STXBP5L: variants seen among roughly 807,000 people sequenced by gnomAD.
STXBP5L encodes the protein syntaxin-binding protein 5-like.
Under a neutral mutation model 144.5 loss-of-function variants are expected in STXBP5L, and 65 were observed. That is an observed-to-expected ratio of 0.45 (90% CI 0.37 to 0.55). STXBP5L has a LOEUF of 0.55. Among genes scored for constraint, STXBP5L ranks in the 20% least tolerant of loss-of-function variants. The pLI, the probability that STXBP5L is intolerant of heterozygous loss-of-function variation, is 0.00. For missense variants in STXBP5L, 1,298 were observed against 1,405.5 expected, an observed-to-expected ratio of 0.92 and a Z score of 1.22; for synonymous variants, 505 against 469.6, an observed-to-expected ratio of 1.08 and a Z score of -0.97.
At chr3:121,014,730 T>C (rs191332934) in intron 3 of STXBP5L, among the ~76,000 whole-genome samples, 99 of 152,140 alleles carry the variant, frequency 6.5e-4, no homozygotes, top group Non-Finnish European at 1.2e-3. Flanking sequence ...AGATTCATAT[T>C]CTTTCCAGTA....
intron 3 of STXBP5L, among the ~76,000 whole-genome samples, chr3:120,964,383 T>A (rs1460228616): frequency 6.6e-6 from 1 of 152,232 alleles, no homozygotes; most frequent in South Asian, 2.1e-4. Context: ...CGATTTTAGA[T>A]CTTTCCTTCC....
At chr3:121,196,248 C>T (rs530050768) in intron 9 of STXBP5L, among the ~76,000 whole-genome samples, 1 of 152,020 alleles carries the variant, frequency 6.6e-6, no homozygotes, top group African/African-American at 2.4e-5. Context: ...CAACCTCTGC[C>T]TCCCGGGTTC....
rs183447500 is a variant in STXBP5L at position 121,137,041 on chromosome 3, A to C, written c.669+15337A>C. On this transcript the variant is annotated intron_variant, in intron 7 of 26. Transcript: ENST00000471454. ...AGCTAAACGTTGTGTACACACAGAC[A>C]CAAAGAAGGGAACAGTAGACACTGG... Among the ~76,000 whole-genome samples the C allele has an allele frequency of 3.8e-4, 58 of 152,304 alleles. No homozygotes were observed. In the East Asian group the frequency reaches 6.4e-3, roughly 17 times the overall value.
At chr3:121,360,410 G>A (rs1203640827) in intron 20 of STXBP5L, among the ~76,000 whole-genome samples, 5 of 149,206 alleles carry the variant, frequency 3.4e-5, no homozygotes, top group African/African-American at 7.3e-5. Flanking sequence ...GTAATTCTTG[G>A]TAAGTAAGGA....
chr3:121,093,980 C>T (rs906067880), intron 5 of STXBP5L, among the ~76,000 whole-genome samples: 37 of 152,106 alleles, frequency 2.4e-4, no homozygotes, highest in African/African-American at 8.7e-4. Flanking sequence ...TGTCTTTGTT[C>T]TCGTTGGTTT....
In STXBP5L at chr3:121,298,889, T is replaced by C. The variant is rs532332411; in HGVS notation, c.2110+18933T>C. Among the ~76,000 whole-genome samples the C allele has an allele frequency of 3.3e-5, 5 of 152,314 alleles. No individual in the cohort carries two copies. The South Asian group carries it at 1.0e-3, about 32-fold the overall frequency. On this transcript the variant is annotated intron_variant, in intron 19 of 26. Transcript: ENST00000471454. ...ACTGTAATGTACACTGAAAAATTTG[T>C]TTAGAAGGTAGATTTCATGTTGTGT...
chr3:121,036,464 C>T (rs1262305389), intron 3 of STXBP5L, among the ~76,000 whole-genome samples: 1 of 152,038 alleles, frequency 6.6e-6, no homozygotes, highest in Non-Finnish European at 1.5e-5. Flanking sequence ...AGCCTGCATG[C>T]TTTTTATTTT....
intron 20 of STXBP5L, among the ~76,000 whole-genome samples, chr3:121,345,299 G>C (rs2108594545): frequency 1.3e-5 from 2 of 152,088 alleles, no homozygotes; most frequent in Middle Eastern, 6.8e-3. Context: ...TGAGAATGAT[G>C]GTTTCCAGCT....
chr3:121,247,363 T>G (rs1265360689), intron 14 of STXBP5L, among the ~76,000 whole-genome samples: 1 of 152,210 alleles, frequency 6.6e-6, no homozygotes, highest in East Asian at 1.9e-4. Context: ...TAATTTCAGC[T>G]TTTATTTTAG....
chr3:121,240,535 A>C, intron 14 of STXBP5L, 28 bp downstream of exon 14: 1 of 1,600,238 alleles, frequency 6.2e-7, no homozygotes, highest in Non-Finnish European at 8.6e-7. Context: ...GTGAGTTATT[A>C]GTTCATCAAC....
intron 10 of STXBP5L, 42 bp downstream of exon 10, chr3:121,206,043 G>C (rs776126487): frequency 1.6e-5 from 20 of 1,214,336 alleles, no homozygotes; most frequent in Admixed American, 8.4e-5. Context: ...ACGAAGCAGA[G>C]ACAAAAAATG....
At chr3:121,414,834 T>G (rs147111454) in intron 24 of STXBP5L, among the ~76,000 whole-genome samples, 23 of 152,334 alleles carry the variant, frequency 1.5e-4, no homozygotes, top group African/African-American at 5.1e-4. Context: ...AAAATAAATA[T>G]TCTGGTTATA....
At chr3:121,145,781 G>T (rs1189392274) in intron 7 of STXBP5L, among the ~76,000 whole-genome samples, 1 of 151,950 alleles carries the variant, frequency 6.6e-6, no homozygotes, top group Non-Finnish European at 1.5e-5. Flanking sequence ...CAAACTGACT[G>T]GATTAAGGAA....
chr3:121,058,016 G>A (rs1948579867), intron 5 of STXBP5L, among the ~76,000 whole-genome samples: 1 of 152,034 alleles, frequency 6.6e-6, no homozygotes, highest in South Asian at 2.1e-4. Flanking sequence ...TGGGATACAT[G>A]TGCAGAAAGT....
chr3:121,161,469 CT>C (rs1412571194), intron 9 of STXBP5L, among the ~76,000 whole-genome samples: 1 of 151,722 alleles, frequency 6.6e-6, no homozygotes, highest in African/African-American at 2.4e-5. Flanking sequence ...TGCGGGGTAT[CT>C]TTTATTTTCA....
chr3:121,284,817 G>A lies in STXBP5L; in HGVS notation c.2110+4861G>A, dbSNP rs558981635. 6.7e-4 allele frequency among the ~76,000 whole-genome samples: 102 copies of A among 152,130 alleles called. 1 individual carries two copies. Among genetic ancestry groups the A allele is most frequent in the South Asian group, 5.0e-3 (24 of 4,824 alleles). ...TGTTGAAGGACTTAAAGAAATCCCC[G>A]TGTCTCTACCAGTGGGCCCCACAAG... is the stretch of plus-strand genomic sequence containing the variant. On this transcript the variant is annotated intron_variant, in intron 19 of 26. Coordinates refer to ENST00000471454, the MANE Select transcript of STXBP5L (RefSeq NM_001308330.2).
intron 3 of STXBP5L, among the ~76,000 whole-genome samples, chr3:120,981,012 A>T (rs1941714858): frequency 6.6e-6 from 1 of 152,134 alleles, no homozygotes; most frequent in Admixed American, 6.5e-5. Flanking sequence ...TTTTTCTTCA[A>T]AGAGACTGAA....
rs144792514 is a variant in STXBP5L at position 121,290,922 on chromosome 3, G to A, written c.2110+10966G>A. ...ACTAAGGGTAATAAAAGCCATCTAT[G>A]ACAGATGTACAGACAACATTTTACG... On this transcript the variant is annotated intron_variant, in intron 19 of 26. Coordinates refer to ENST00000471454, the MANE Select transcript of STXBP5L (RefSeq NM_001308330.2). Among the ~76,000 whole-genome samples, 691 of 152,242 alleles carry A rather than the reference G, an allele frequency of 4.5e-3. 4 individuals are homozygous for A. Among genetic ancestry groups the A allele is most frequent in the African/African-American group, 0.016 (659 of 41,552 alleles).
chr3:121,208,817 T>G (rs2048440893), intron 10 of STXBP5L, among the ~76,000 whole-genome samples: 1 of 152,120 alleles, frequency 6.6e-6, no homozygotes, highest in African/African-American at 2.4e-5. Context: ...GTGTAAAAAG[T>G]GCAGGTTTGT....
Sources: allele counts gnomAD v4.1 joint callset (sites outside exome capture counted in the v4.1 genomes callset), GRCh38; gene constraint gnomAD v4.1.1; transcripts MANE v1.5; gene names NCBI Gene and HGNC (gene_info 2026-07-23, HGNC 2026-07-21).